The following RARS2 variants were observed in gnomAD, a reference collection of about 807,000 sequenced individuals.
RARS2 encodes arginyl-tRNA synthetase 2, mitochondrial.
Under a neutral mutation model 88.5 loss-of-function variants are expected in RARS2, and 67 were observed. The observed-to-expected ratio is 0.76, with a 90% CI of 0.62 to 0.93. The LOEUF is 0.93. Ranked by LOEUF, RARS2 falls within the 40% of genes least tolerant of loss-of-function variation. The pLI, the probability that RARS2 is intolerant of heterozygous loss-of-function variation, is 0.00. For synonymous variants in RARS2, 239 were observed against 230.3 expected (o/e 1.04, Z -0.34); for missense variants, 664 against 684.2 (o/e 0.97, Z 0.33).
At chr6:87,529,496 T>C (rs1036631557) in intron 10 of RARS2, 46 bp downstream of exon 10, 1 of 1,231,846 alleles carries the variant, frequency 8.1e-7, no homozygotes, top group Non-Finnish European at 1.2e-6. Context: ...CAATAACAAT[T>C]TCAAAGAACA....
chr6:87,550,087 C>T (rs1017586562), intron 5 of RARS2, among the ~76,000 whole-genome samples: 1 of 152,044 alleles, frequency 6.6e-6, no homozygotes, highest in African/African-American at 2.4e-5. Context: ...GATATGTGTG[C>T]ACAATTATGA....
intron 1 of RARS2, among the ~76,000 whole-genome samples, chr6:87,584,974 AC>A (rs1445500164): frequency 6.6e-6 from 1 of 152,232 alleles, no homozygotes; most frequent in Non-Finnish European, 1.5e-5. Flanking sequence ...GTCCTTAAGT[AC>A]TATAAACAGT....
At position 87,518,738 on chromosome 6, in the gene RARS2, T is replaced by G; in HGVS notation, c.1307A>C (p.Asp436Ala). 6.2e-7 allele frequency: 1 copy of G among 1,613,768 alleles called. No homozygotes were observed. The highest frequency in any genetic ancestry group is 1.1e-5 in the South Asian group (1 of 91,074). Reference sequence around the variant, plus strand: ...GTCAGATAAGAGTAAACCTTTGAAGTCCTAAAACGACAGAGGAAATCTTCA... The same window carrying G: ...GTCAGATAAGAGTAAACCTTTGAAGGCCTAAAACGACAGAGGAAATCTTCA... ...RVGLAALIIQ[D>A]FKGLLLSDYK... Residue 436 changes from aspartate to alanine, a missense_variant and splice_region_variant, in exon 16 of 20, where the codon GAC becomes GCC. By Grantham distance (126) the Asp-to-Ala change is moderately radical (BLOSUM62 -2). Transcript: ENST00000369536.
Position 87,518,542 on chromosome 6 carries a change from A to G in RARS2, c.1415+88T>C, listed in dbSNP as rs1157643237. On this transcript the variant is annotated intron_variant, in intron 16 of 19. Coordinates refer to ENST00000369536, the MANE Select transcript of RARS2 (RefSeq NM_020320.5). ...TGAATAGAAGATATTGGAAAAGCCCAGAAAACAGGGCCTCTGGTCTTAGAA... is the reference window on the plus strand; with the variant it reads ...TGAATAGAAGATATTGGAAAAGCCCGGAAAACAGGGCCTCTGGTCTTAGAA... 3.5e-6 allele frequency: 5 copies of G among 1,417,422 alleles called. No homozygotes were observed. In the Admixed American group the frequency reaches 9.3e-5, roughly 26 times the overall value. 87.8% of individuals were successfully genotyped at this position (1,417,422 alleles called of 1,614,324 possible).
At chr6:87,516,686 A>C in intron 18 of RARS2, 120 bp downstream of exon 18, 1 of 1,396,464 alleles carries the variant, frequency 7.2e-7, no homozygotes, top group Non-Finnish European at 9.8e-7. Context: ...TGAAGCAATA[A>C]TTCCTGTAAC....
chr6:87,554,159 T>C (rs1785112400), intron 5 of RARS2, among the ~76,000 whole-genome samples: 1 of 152,218 alleles, frequency 6.6e-6, no homozygotes, highest in Non-Finnish European at 1.5e-5. Context: ...TCTTTCTAAG[T>C]AGAAAAACAG....
Position 87,541,976 on chromosome 6 carries a change from A to C in RARS2, c.554T>G (p.Phe185Cys). The C allele has an allele frequency of 6.2e-7, 1 of 1,613,240 alleles. No homozygotes were observed. The highest frequency in any genetic ancestry group is 1.1e-5 in the South Asian group (1 of 91,066). ...TTTTTCCTCATAGCCAAACAGCTGG[A>C]AGCCAGTTCCCAGAAGACCTACCAT... is the stretch of plus-strand genomic sequence containing the variant. ...GMQFGLLGTG[F>C]QLFGYEEKLQ... is the part of the protein sequence containing the mutation. The change falls in exon 8 of 20, where the codon TTC (phenylalanine) becomes TGC (cysteine). Residue 185 changes from phenylalanine to cysteine, a missense_variant. Physicochemically the swap from Phe to Cys is radical, Grantham distance 205. Coordinates refer to ENST00000369536, the MANE Select transcript of RARS2 (RefSeq NM_020320.5).
Position 87,514,326 on chromosome 6 carries a change from AAAAT to A in RARS2, c.*83_*86del. Reference sequence around the variant, plus strand: ...AACTCCATCTCAAAAAAAAAAAAAAAAAATTTAAATTTATTCTGAACAGCAAGGC... The same window carrying A: ...AACTCCATCTCAAAAAAAAAAAAAAATTAAATTTATTCTGAACAGCAAGGC... On this transcript the variant is annotated 3_prime_UTR_variant, in exon 20 of 20. Transcript: ENST00000369536. The A allele has an allele frequency of 1.0e-6, 1 of 1,000,786 alleles. No homozygotes were observed. Among genetic ancestry groups the A allele is most frequent in the Non-Finnish European group, 1.5e-6 (1 of 668,970 alleles). 62.0% of individuals were successfully genotyped at this position (1,000,786 alleles called of 1,614,324 possible). A position where few individuals can be genotyped will look rare whatever the true frequency, so the allele number is the denominator to read the frequency against.
At chr6:87,562,583 G>T (rs1052237499) in intron 4 of RARS2, 119 bp downstream of exon 4, 3 of 741,446 alleles carry the variant, frequency 4.0e-6, no homozygotes, top group Non-Finnish European at 7.3e-6. Context: ...TTATGGATCA[G>T]TATGTGCAAA....
At chr6:87,528,307 G>A (rs147438186) in intron 10 of RARS2, among the ~76,000 whole-genome samples, 1 of 150,760 alleles carries the variant, frequency 6.6e-6, no homozygotes, top group African/African-American at 2.4e-5. Flanking sequence ...CTTGTACACT[G>A]TTGGTGGGAA....
chr6:87,575,419 C>T (rs140315063), intron 1 of RARS2, among the ~76,000 whole-genome samples: 1 of 152,220 alleles, frequency 6.6e-6, no homozygotes, highest in African/African-American at 2.4e-5. Context: ...AAAGTCATTG[C>T]TATAAGCAAT....
At chr6:87,518,325 G>A in intron 16 of RARS2, 61 bp from the exon 17 acceptor site, 1 of 1,611,660 alleles carries the variant, frequency 6.2e-7, no homozygotes, top group Non-Finnish European at 8.5e-7. Context: ...AGGGCACAGA[G>A]CTGCAAGTGA....
chr6:87,561,132 G>A (rs1042807672), intron 4 of RARS2, among the ~76,000 whole-genome samples: 6 of 152,116 alleles, frequency 3.9e-5, no homozygotes, highest in South Asian at 2.1e-4. Flanking sequence ...GATCCAATAC[G>A]TGAGAAAAAC....
rs1770872960 is a variant in RARS2 at position 87,514,475 on chromosome 6, C to T, written c.1675G>A (p.Val559Ile). 1.2e-6 allele frequency: 2 copies of T among 1,612,484 alleles called. No homozygotes were observed. Among genetic ancestry groups the T allele is most frequent in the Non-Finnish European group, 1.7e-6 (2 of 1,178,668 alleles). Residue 559 changes from valine (V) to isoleucine (I), a missense_variant, in exon 20 of 20, where the codon GTC (valine) becomes ATC (isoleucine). By Grantham distance (29) the Val-to-Ile change is conservative. Transcript: ENST00000369536. ...ATTCCATTGGCTAGGACAGAACGGACAGCTTTGAAAAGATGAAGTCTGGCC... is the reference window on the plus strand; with the variant it reads ...ATTCCATTGGCTAGGACAGAACGGATAGCTTTGAAAAGATGAAGTCTGGCC... ...AGARLHLFKA[V>I]RSVLANGMKL...
intron 1 of RARS2, among the ~76,000 whole-genome samples, chr6:87,569,871 A>G (rs1252574285): frequency 6.6e-6 from 1 of 152,016 alleles, no homozygotes; most frequent in Non-Finnish European, 1.5e-5. Flanking sequence ...TAGCAAAAAG[A>G]ATGAACTTTA....
chr6:87,526,328 C>T (rs1775682661), intron 10 of RARS2, among the ~76,000 whole-genome samples: 1 of 152,102 alleles, frequency 6.6e-6, no homozygotes, highest in African/African-American at 2.4e-5. Context: ...CCAGCCTGGG[C>T]AACATGGTGA....
chr6:87,518,641 G>C lies in RARS2; in HGVS notation c.1404C>G (p.Ala468=), dbSNP rs764711096. 3.8e-5 allele frequency: 61 copies of C among 1,612,548 alleles called. No homozygotes were observed. Among genetic ancestry groups the C allele is most frequent in the Non-Finnish European group, 4.9e-5 (58 of 1,178,886 alleles). Residue 468 remains alanine (A), a synonymous_variant, in exon 16 of 20, where the codon GCC becomes GCG. Transcript: ENST00000369536. ...CAGCCTCTTCTCACCTGTGGAGGCG[G>C]GCGTGTGTGTACTGTAGGAAGACTC... ...DTGVFLQYTH[A]RLHSLEETFG...
intron 1 of RARS2, among the ~76,000 whole-genome samples, chr6:87,579,729 T>G (rs1025403351): frequency 2.5e-5 from 3 of 118,478 alleles, no homozygotes; most frequent in South Asian, 5.9e-4. Context: ...TTTTTTTTTT[T>G]TTTTTTTTTT....
chr6:87,531,622 T>C lies in RARS2; in HGVS notation c.613-680A>G, dbSNP rs896505047. Among the ~76,000 whole-genome samples the C allele has an allele frequency of 1.8e-4, 28 of 152,274 alleles. 1 individual carries two copies. The highest frequency in any genetic ancestry group is 1.3e-3 in the East Asian group (7 of 5,186). ...TGTGTTGAGCACCTCTTCTGGAGTT[T>C]TATTTTGCATCACCTGTCTTAGCTG... On this transcript the variant is annotated intron_variant, in intron 8 of 19. Coordinates refer to ENST00000369536, the MANE Select transcript of RARS2 (RefSeq NM_020320.5).
Sources: allele counts gnomAD v4.1 joint callset (sites outside exome capture counted in the v4.1 genomes callset), GRCh38; gene constraint gnomAD v4.1.1; transcripts MANE v1.5; gene names NCBI Gene and HGNC (gene_info 2026-07-23, HGNC 2026-07-21).